Variants in PLPPR5 observed in about 807,000 individuals in gnomAD.
The protein encoded by PLPPR5 is phospholipid phosphatase-related protein type 5.
In PLPPR5, 16 loss-of-function variants were observed where a neutral mutation model predicts 33.9. The ratio of observed to expected loss-of-function variants is 0.47; its 90% CI spans 0.32 to 0.72. PLPPR5 has a LOEUF of 0.72. Ranked by LOEUF, PLPPR5 falls within the 30% of genes least tolerant of loss-of-function variation. PLPPR5 has a pLI of 0.03. For synonymous variants in PLPPR5, 163 were observed against 150.3 expected (o/e 1.08, Z -0.62); for missense variants, 301 against 406.7 (o/e 0.74, Z 2.23).
rs894352914 is a variant in PLPPR5 at position 98,925,692 on chromosome 1, G to A, written c.622-3634C>T. 3.8e-4 allele frequency among the ~76,000 whole-genome samples: 28 copies of A among 73,440 alleles called. No homozygotes were observed. In the Middle Eastern group the frequency reaches 0.019, roughly 49 times the overall value. The allele number at this position is 73,440 out of a possible 152,430, so 48.2% of individuals were successfully genotyped here. On this transcript the variant is annotated intron_variant, in intron 3 of 5. Transcript: ENST00000263177. Reference sequence around the variant, plus strand: ...AACAATGCTATTACAAAAATAAATGGAAATAAAAAAACACAAATATTTATT... The same window carrying A: ...AACAATGCTATTACAAAAATAAATGAAAATAAAAAAACACAAATATTTATT...
At chr1:98,911,510 G>C (rs1302140606) in intron 5 of PLPPR5, among the ~76,000 whole-genome samples, 2 of 151,926 alleles carry the variant, frequency 1.3e-5, no homozygotes, top group Non-Finnish European at 2.9e-5. Flanking sequence ...AAATGAACTA[G>C]CATAACATCA....
At position 98,921,741 on chromosome 1, in the gene PLPPR5, G is replaced by C. The variant is rs77579297; in HGVS notation, c.798+141C>G. The C allele has an allele frequency of 2.7e-3, 1,774 of 655,084 alleles. 17 individuals are homozygous for C. The African/African-American group carries it at 0.029, about 11-fold the overall frequency. 40.6% of individuals were successfully genotyped at this position (655,084 alleles called of 1,614,324 possible). A position where few individuals can be genotyped will look rare whatever the true frequency, so the allele number is the denominator to read the frequency against. ...GGAGGAAGAAATGAATGACTTAAAT[G>C]ATTTGTTTTATATACTTAAATGAAT... On this transcript the variant is annotated intron_variant, in intron 4 of 5. Transcript: ENST00000263177.
At chr1:98,995,060 G>A (rs1652582436) in intron 1 of PLPPR5, among the ~76,000 whole-genome samples, 2 of 152,144 alleles carry the variant, frequency 1.3e-5, no homozygotes, top group South Asian at 2.1e-4. Context: ...TAGTTAGAAT[G>A]TAAATTAGTT....
chr1:98,993,748 G>A (rs935130341), intron 1 of PLPPR5, among the ~76,000 whole-genome samples: 3 of 151,954 alleles, frequency 2.0e-5, no homozygotes, highest in East Asian at 1.9e-4. Flanking sequence ...AAGATGTTTC[G>A]GAGTGTAAAA....
chr1:98,973,019 C>T (rs1163904350), intron 1 of PLPPR5, among the ~76,000 whole-genome samples: 1 of 152,094 alleles, frequency 6.6e-6, no homozygotes, highest in African/African-American at 2.4e-5. Flanking sequence ...GTAGAACAGA[C>T]ACATACTGTA....
intron 4 of PLPPR5, among the ~76,000 whole-genome samples, chr1:98,919,664 C>A (rs1483272495): frequency 6.6e-6 from 1 of 152,128 alleles, no homozygotes; most frequent in Non-Finnish European, 1.5e-5. Flanking sequence ...CCTCTTTGTG[C>A]CACTGAGGGC....
rs969946251 is a variant in PLPPR5, at chr1:98,953,462, A to G, written c.371-142T>C. On this transcript the variant is annotated intron_variant, in intron 2 of 5. Transcript: ENST00000263177. Reference sequence around the variant, plus strand: ...ACTATAAAATATTCCATGCATATACATAGTTCCTTTTATTTCATCCCTCTC... The same window carrying G: ...ACTATAAAATATTCCATGCATATACGTAGTTCCTTTTATTTCATCCCTCTC... The G allele has an allele frequency of 2.1e-4, 268 of 1,282,520 alleles. 1 individual carries two copies. The highest frequency in any genetic ancestry group is 2.7e-4 in the Middle Eastern group (1 of 3,746). The allele number at this position is 1,282,520 out of a possible 1,614,324, so 79.4% of individuals were successfully genotyped here.
chr1:98,943,887 C>CA (rs1183782661), intron 3 of PLPPR5, among the ~76,000 whole-genome samples: 2 of 152,038 alleles, frequency 1.3e-5, no homozygotes, highest in Non-Finnish European at 2.9e-5. Flanking sequence ...AATTCCATTC[C>CA]AAAAAGAGGA....
chr1:98,942,634 C>T (rs1650418461), intron 3 of PLPPR5, among the ~76,000 whole-genome samples: 1 of 152,146 alleles, frequency 6.6e-6, no homozygotes, highest in Admixed American at 6.5e-5. Context: ...GGGCTGGCCC[C>T]TACAAGCATG....
intron 1 of PLPPR5, among the ~76,000 whole-genome samples, chr1:98,964,822 G>A (rs150198991): frequency 0.021 from 3,195 of 152,126 alleles, 44 homozygotes; most frequent in African/African-American, 0.035. Flanking sequence ...ATTTATTTTG[G>A]AAGCAGGATC....
At chr1:98,956,343 T>C (rs1650997153) in intron 2 of PLPPR5, among the ~76,000 whole-genome samples, 1 of 152,194 alleles carries the variant, frequency 6.6e-6, no homozygotes, top group African/African-American at 2.4e-5. Context: ...TTTTTAAATT[T>C]TTTAATTTAT....
intron 1 of PLPPR5, among the ~76,000 whole-genome samples, chr1:98,977,408 G>A (rs945522534): frequency 6.6e-6 from 1 of 151,392 alleles, no homozygotes; most frequent in African/African-American, 2.4e-5. Context: ...CACAAAATTT[G>A]TTCCTTATTT....
At chr1:98,978,191 A>G (rs1651929470) in intron 1 of PLPPR5, among the ~76,000 whole-genome samples, 1 of 152,044 alleles carries the variant, frequency 6.6e-6, no homozygotes, top group East Asian at 1.9e-4. Context: ...TCACATAGAG[A>G]AGAAAATCAA....
Position 98,931,749 on chromosome 1 carries a change from G to A in PLPPR5, c.622-9691C>T, listed in dbSNP as rs557138977. Among the ~76,000 whole-genome samples, 5 of 152,156 alleles carry A rather than the reference G, an allele frequency of 3.3e-5. No homozygotes were observed. In the South Asian group the frequency reaches 6.2e-4, roughly 19 times the overall value. The stretch of plus-strand genomic sequence containing the variant: ...CAGGAATTAGGCCAGAGAGGTTAAC[G>A]GGGGCCAGGTTCAAAAAGCTTTGTG... On this transcript the variant is annotated intron_variant, in intron 3 of 5. Coordinates refer to ENST00000263177, the MANE Select transcript of PLPPR5 (RefSeq NM_001037317.2).
rs749735038 is a variant in PLPPR5 at position 99,004,503 on chromosome 1, G to A, written c.169C>T (p.Pro57Ser). The A allele has an allele frequency of 2.5e-6, 4 of 1,613,214 alleles. No individual in the cohort carries two copies. Among genetic ancestry groups the A allele is most frequent in the South Asian group, 2.2e-5 (2 of 91,082 alleles). ...DSAYRKPYPGPEDSSAVPPVL... is the reference protein window; with the variant it reads ...DSAYRKPYPGSEDSSAVPPVL... ...GGGGGCACGGCGCTGCTGTCCTCCGGGCCCGGGTAGGGTTTGCGGTAGGCG... is the reference window on the plus strand; with the variant it reads ...GGGGGCACGGCGCTGCTGTCCTCCGAGCCCGGGTAGGGTTTGCGGTAGGCG... Residue 57 changes from proline to serine, a missense_variant, in exon 1 of 6, where the codon CCG becomes TCG. Physicochemically the swap from Pro to Ser is moderately conservative, Grantham distance 74 (BLOSUM62 -1). Transcript: ENST00000263177.
chr1:98,998,065 C>T (rs1293709328), intron 1 of PLPPR5, among the ~76,000 whole-genome samples: 1 of 150,178 alleles, frequency 6.7e-6, no homozygotes, highest in Non-Finnish European at 1.5e-5. Context: ...TAGCAGTATG[C>T]AAAGGAGAGA....
chr1:98,903,532 T>A (rs1195226741), intron 5 of PLPPR5, among the ~76,000 whole-genome samples: 1 of 152,216 alleles, frequency 6.6e-6, no homozygotes, highest in Non-Finnish European at 1.5e-5. Context: ...TGCAACATTT[T>A]ATACTACAGT....
intron 5 of PLPPR5, 128 bp downstream of exon 5, chr1:98,914,658 T>G: frequency 1.2e-6 from 1 of 816,546 alleles, no homozygotes; most frequent in Non-Finnish European, 1.8e-6. Context: ...GTGGCTAAAT[T>G]CTTGCTAAAT....
chr1:98,944,438 T>G (rs749919041), intron 3 of PLPPR5, among the ~76,000 whole-genome samples: 9 of 152,086 alleles, frequency 5.9e-5, no homozygotes, highest in Non-Finnish European at 1.2e-4. Context: ...AGAGGTGGAG[T>G]GCTTAGGTTT....
Sources: allele counts gnomAD v4.1 joint callset (sites outside exome capture counted in the v4.1 genomes callset), GRCh38; gene constraint gnomAD v4.1.1; transcripts MANE v1.5; gene names NCBI Gene and HGNC (gene_info 2026-07-23, HGNC 2026-07-21).